Variants in SGCD observed in about 807,000 individuals in gnomAD.
SGCD encodes sarcoglycan delta.
SGCD carries 18 observed loss-of-function variants against 36.6 expected under a neutral mutation model. The observed-to-expected ratio is 0.49, with a 90% CI of 0.34 to 0.73. The LOEUF is 0.73. Among genes scored for constraint, SGCD ranks in the 30% least tolerant of loss-of-function variants. The probability of loss-of-function intolerance (pLI) is 0.01; values close to 1 mark genes in which losing one functional copy is unlikely to be tolerated. For missense variants in SGCD, 387 were observed against 346.7 expected, an observed-to-expected ratio of 1.12 and a Z score of -0.92; for synonymous variants, 133 against 130.6, an observed-to-expected ratio of 1.02 and a Z score of -0.12.
At chr5:156,152,949 A>G (rs1227503307) in intron 3 of SGCD, among the ~76,000 whole-genome samples, 4 of 151,724 alleles carry the variant, frequency 2.6e-5, no homozygotes, top group Non-Finnish European at 5.9e-5. Flanking sequence ...TGGGTTAGTT[A>G]GAAAATGAGC....
chr5:156,200,251 C>T (rs1180626575), intron 3 of SGCD, among the ~76,000 whole-genome samples: 1 of 151,940 alleles, frequency 6.6e-6, no homozygotes, highest in African/African-American at 2.4e-5. Context: ...CCTTCTCTTC[C>T]TTGCTTCAAT....
chr5:156,012,098 C>T (rs1037852346), intron 1 of SGCD, among the ~76,000 whole-genome samples: 11 of 152,334 alleles, frequency 7.2e-5, no homozygotes, highest in African/African-American at 2.6e-4. Flanking sequence ...ATCTTCAATG[C>T]ATATGCTTAT....
At position 156,438,648 on chromosome 5, in the gene SGCD, C is replaced by T. The variant is rs533960190; in HGVS notation, c.193-69953C>T. Among the ~76,000 whole-genome samples the T allele has an allele frequency of 5.9e-5, 9 of 152,174 alleles. No homozygotes were observed. In the South Asian group the frequency reaches 1.2e-3, roughly 21 times the overall value. On this transcript the variant is annotated intron_variant, in intron 3 of 8. Coordinates refer to ENST00000337851, the MANE Select transcript of SGCD (RefSeq NM_000337.6). The stretch of plus-strand genomic sequence containing the variant: ...CTGTAATCTCTATTACAGTGTTTAG[C>T]GATTAATCATATTCTACCAACTCTT...
intron 1 of SGCD, among the ~76,000 whole-genome samples, chr5:156,103,227 A>G (rs1274511254): frequency 6.6e-6 from 1 of 152,186 alleles, no homozygotes. Flanking sequence ...AGTAATGTCT[A>G]AGCCCCACTA....
Position 156,302,361 on chromosome 5 carries a change from T to G in SGCD, c.-43-27173T>G, listed in dbSNP as rs984589945. On this transcript the variant is annotated intron_variant, in intron 3 of 9. Transcript: ENST00000517913. ...AGCTCCAACATTTCTGTTTGATTTT[T>G]AAAAATTATTTTAATCTCTCTCTTA... 6.6e-5 allele frequency among the ~76,000 whole-genome samples: 10 copies of G among 152,206 alleles called. No homozygotes were observed. In the South Asian group the frequency reaches 1.9e-3, roughly 28 times the overall value.
At chr5:156,733,828 A>G (rs1012449053) in intron 7 of SGCD, among the ~76,000 whole-genome samples, 1 of 151,996 alleles carries the variant, frequency 6.6e-6, no homozygotes, top group Non-Finnish European at 1.5e-5. Context: ...AATGTTTTCC[A>G]TTTCCTTAGT....
At chr5:156,745,491 T>C (rs1756902529) in intron 7 of SGCD, among the ~76,000 whole-genome samples, 1 of 152,080 alleles carries the variant, frequency 6.6e-6, no homozygotes, top group Non-Finnish European at 1.5e-5. Flanking sequence ...AAATGCAGGC[T>C]TCAAATAATT....
At position 156,211,500 on chromosome 5, in the gene SGCD, C is replaced by T. The variant is rs188864990; in HGVS notation, c.-44+87481C>T. 5.0e-3 allele frequency among the ~76,000 whole-genome samples: 754 copies of T among 151,258 alleles called. 4 individuals carry two copies. Among genetic ancestry groups the T allele is most frequent in the Non-Finnish European group, 8.7e-3 (587 of 67,828 alleles). On this transcript the variant is annotated intron_variant, in intron 3 of 9. Transcript: ENST00000517913. ...GCGGGCGCCTGTAGTCCCAGCTACT[C>T]GGGAGGCTGAGGCAGGGGAATGGCG...
Position 156,491,507 on chromosome 5 carries a change from T to C in SGCD, c.193-17094T>C, listed in dbSNP as rs115135229. On this transcript the variant is annotated intron_variant, in intron 3 of 8. Coordinates refer to ENST00000337851, the MANE Select transcript of SGCD (RefSeq NM_000337.6). Reference sequence around the variant, plus strand: ...AAAATGGACACATAGACCAGTGTAGTAGAATAGAGAATCCCAAAATGGATC... The same window carrying C: ...AAAATGGACACATAGACCAGTGTAGCAGAATAGAGAATCCCAAAATGGATC... Among the ~76,000 whole-genome samples, 93 of 152,214 alleles carry C rather than the reference T, an allele frequency of 6.1e-4. No homozygotes were observed. The East Asian group carries it at 0.014, about 22-fold the overall frequency.
At chr5:156,078,503 A>G (rs898727041) in intron 1 of SGCD, among the ~76,000 whole-genome samples, 2 of 133,486 alleles carry the variant, frequency 1.5e-5, no homozygotes, top group Non-Finnish European at 3.0e-5. Flanking sequence ...ACAAAGTAAG[A>G]CTGTCTCAAA....
At chr5:155,816,992 C>T in the SGCD span, among the ~76,000 whole-genome samples, 1 of 152,164 alleles carries the variant, frequency 6.6e-6, no homozygotes, top group Non-Finnish European at 1.5e-5. Context: ...GCCTTCACTA[C>T]ATATGTATAT....
At chr5:156,691,547 C>A (rs1236280755) in intron 7 of SGCD, among the ~76,000 whole-genome samples, 7 of 152,110 alleles carry the variant, frequency 4.6e-5, no homozygotes, top group African/African-American at 7.2e-5. Flanking sequence ...CAAAAGCAGC[C>A]ACAGAAAATA....
At chr5:156,399,802 T>C (rs939683549) in intron 3 of SGCD, among the ~76,000 whole-genome samples, 6 of 152,180 alleles carry the variant, frequency 3.9e-5, no homozygotes, top group Non-Finnish European at 1.5e-5. Flanking sequence ...CTGTACATCC[T>C]AGAGAAGAAG....
chr5:156,033,049 C>T, intron 1 of SGCD, among the ~76,000 whole-genome samples: 1 of 151,808 alleles, frequency 6.6e-6, no homozygotes, highest in Admixed American at 6.6e-5. Context: ...CATACTCCAG[C>T]CTGGGAGACA....
intron 1 of SGCD, among the ~76,000 whole-genome samples, chr5:155,924,854 G>T (rs1283984016): frequency 6.6e-6 from 1 of 152,180 alleles, no homozygotes; most frequent in Non-Finnish European, 1.5e-5. Context: ...TGGGAGGTTT[G>T]TAAAATGCTG....
chr5:156,307,552 GTTGTTTTTT>G (rs1157933073), intron 3 of SGCD, among the ~76,000 whole-genome samples: 563 of 48,414 alleles, frequency 0.012, 6 homozygotes, highest in African/African-American at 0.041. Flanking sequence ...CATTTTAACT[GTTGTTTTTT>G]TTTTTTTTTT....
chr5:156,004,243 A>G (rs1395095744), intron 1 of SGCD, among the ~76,000 whole-genome samples: 1 of 152,180 alleles, frequency 6.6e-6, no homozygotes, highest in Admixed American at 6.5e-5. Context: ...TAAACATCAT[A>G]TTTATGTTTG....
intron 3 of SGCD, among the ~76,000 whole-genome samples, chr5:156,233,877 C>T (rs528292905): frequency 2.6e-5 from 4 of 152,150 alleles, no homozygotes; most frequent in African/African-American, 9.6e-5. Flanking sequence ...AGAGTGAGAC[C>T]ACATCTGTTT....
At chr5:156,376,030 A>G (rs1770650461) in intron 3 of SGCD, among the ~76,000 whole-genome samples, 1 of 152,196 alleles carries the variant, frequency 6.6e-6, no homozygotes, top group Admixed American at 6.5e-5. Flanking sequence ...AAGATCAGTG[A>G]CTTCATATCA....
Sources: allele counts gnomAD v4.1 joint callset (sites outside exome capture counted in the v4.1 genomes callset), GRCh38; gene constraint gnomAD v4.1.1; transcripts MANE v1.5; gene names NCBI Gene and HGNC (gene_info 2026-07-23, HGNC 2026-07-21).